FARSB: variants seen among roughly 807,000 people sequenced by gnomAD.
FARSB encodes phenylalanine--tRNA ligase beta subunit.
FARSB carries 40 observed loss-of-function variants against 69.6 expected under a neutral mutation model. The ratio of observed to expected loss-of-function variants is 0.57; its 90% CI spans 0.45 to 0.75. FARSB has a LOEUF of 0.75. Among genes scored for constraint, FARSB ranks in the 30% least tolerant of loss-of-function variants. FARSB has a pLI of 0.00. For synonymous variants in FARSB, 235 were observed against 247.2 expected (o/e 0.95, Z 0.46); for missense variants, 632 against 722.9 (o/e 0.87, Z 1.44).
At chr2:222,600,104 G>C (rs1479988427) in intron 15 of FARSB, 21 bp from the exon 16 acceptor site, 1 of 1,594,046 alleles carries the variant, frequency 6.3e-7, no homozygotes, top group African/African-American at 1.4e-5. Context: ...AAAGGAACTG[G>C]TCACAACGCT....
At chr2:222,584,733 T>C (rs536539693) in intron 16 of FARSB, among the ~76,000 whole-genome samples, 2 of 152,292 alleles carry the variant, frequency 1.3e-5, no homozygotes, top group South Asian at 4.1e-4. Flanking sequence ...CCACGGAGCC[T>C]CGCTCACTGC....
chr2:222,579,194 C>A (rs150211056), intron 16 of FARSB, among the ~76,000 whole-genome samples: 35 of 152,092 alleles, frequency 2.3e-4, no homozygotes, highest in Non-Finnish European at 1.5e-4. Context: ...GAATAAGGGC[C>A]GTGGAATCAG....
chr2:222,634,622 A>C, intron 5 of FARSB, 81 bp from the exon 6 acceptor site: 1 of 1,114,600 alleles, frequency 9.0e-7, no homozygotes, highest in Non-Finnish European at 1.3e-6. Context: ...TCTAAAGCCG[A>C]AATTCTAAAG....
At chr2:222,575,519 A>G (rs570656037) in intron 16 of FARSB, among the ~76,000 whole-genome samples, 5 of 152,308 alleles carry the variant, frequency 3.3e-5, no homozygotes, top group African/African-American at 1.2e-4. Context: ...ACAATTTTCA[A>G]TCTAAGCCCA....
chr2:222,640,797 C>G (rs1248124354), intron 4 of FARSB, 65 bp downstream of exon 4: 9 of 783,994 alleles, frequency 1.1e-5, no homozygotes, highest in Non-Finnish European at 1.9e-5. Flanking sequence ...TCTTTCCTCC[C>G]CACTTTATAC....
At position 222,593,300 on chromosome 2, in the gene FARSB, C is replaced by T. The variant is rs545028679; in HGVS notation, c.1618+6628G>A. ...AACCTTACTCCTCAGTATTTAATTC[C>T]TCTCATTGTGTTTTCTTGGGTATCC... is the stretch of plus-strand genomic sequence containing the variant. On this transcript the variant is annotated intron_variant, in intron 16 of 16. Coordinates refer to ENST00000281828, the MANE Select transcript of FARSB (RefSeq NM_005687.5). Among the ~76,000 whole-genome samples, 18 of 152,168 alleles carry T rather than the reference C, an allele frequency of 1.2e-4. No individual in the cohort carries two copies. The South Asian group carries it at 3.5e-3, about 30-fold the overall frequency.
intron 15 of FARSB, among the ~76,000 whole-genome samples, chr2:222,610,682 G>T (rs1411793834): frequency 6.6e-6 from 1 of 152,156 alleles, no homozygotes; most frequent in Non-Finnish European, 1.5e-5. Context: ...AATTATCTGA[G>T]CTTAGGAATT....
chr2:222,601,176 A>G lies in FARSB; in HGVS notation c.1463-1093T>C, dbSNP rs1690547314. ...ATAAAAGTTTAGCCATGCAAGATGA[A>G]AAGTTCTAGAGACCCACAACAACGT... On this transcript the variant is annotated intron_variant, in intron 15 of 16. Coordinates refer to ENST00000281828, the MANE Select transcript of FARSB (RefSeq NM_005687.5). Among the ~76,000 whole-genome samples, 3 of 152,198 alleles carry G rather than the reference A, an allele frequency of 2.0e-5. No homozygotes were observed. In the South Asian group the frequency reaches 6.2e-4, roughly 31 times the overall value.
intron 15 of FARSB, among the ~76,000 whole-genome samples, chr2:222,607,876 C>T (rs1349989593): frequency 1.3e-5 from 2 of 151,834 alleles, no homozygotes; most frequent in Admixed American, 6.6e-5. Context: ...AAATCTATGA[C>T]CTTCTCAACG....
chr2:222,600,435 G>A (rs914227908), intron 15 of FARSB, among the ~76,000 whole-genome samples: 1 of 151,866 alleles, frequency 6.6e-6, no homozygotes, highest in Admixed American at 6.6e-5. Flanking sequence ...ACTACCCAAA[G>A]GAAATAATCC....
Position 222,568,340 on chromosome 2 carries a change from T to C in FARSB, c.*3531A>G, listed in dbSNP as rs767944484. The C allele has an allele frequency of 4.2e-4, 64 of 152,152 alleles. No individual in the cohort carries two copies. Among genetic ancestry groups the C allele is most frequent in the Admixed American group, 2.0e-3 (31 of 15,270 alleles). The allele number at this position is 152,152 out of a possible 1,614,324, so 9.4% of individuals were successfully genotyped here. On this transcript the variant is annotated 3_prime_UTR_variant, in exon 17 of 17. Coordinates refer to ENST00000281828, the MANE Select transcript of FARSB (RefSeq NM_005687.5). The surrounding 1 kb of genome is among the most constrained non-coding windows in gnomAD (Gnocchi z 4.3). Reference sequence around the variant, plus strand: ...CATTATTTACTTTCGCATAAATAAGTAAATAATGCAAATCAGTGAGTGGTC... The same window carrying C: ...CATTATTTACTTTCGCATAAATAAGCAAATAATGCAAATCAGTGAGTGGTC...
At chr2:222,600,105 T>C in intron 15 of FARSB, 22 bp from the exon 16 acceptor site, 1 of 1,594,236 alleles carries the variant, frequency 6.3e-7, no homozygotes, top group Non-Finnish European at 8.5e-7. Context: ...AAGGAACTGG[T>C]CACAACGCTG....
chr2:222,628,789 T>C (rs1559209574), intron 10 of FARSB, 48 bp downstream of exon 10: 2 of 1,269,286 alleles, frequency 1.6e-6, no homozygotes, highest in Admixed American at 1.8e-5. Flanking sequence ...ATAGCCATTA[T>C]TATTAGCATT....
chr2:222,654,830 T>A (rs2106020996), intron 1 of FARSB, among the ~76,000 whole-genome samples: 1 of 152,266 alleles, frequency 6.6e-6, no homozygotes, highest in Non-Finnish European at 1.5e-5. Context: ...AGGCCTTTGT[T>A]AACACACTGA....
intron 16 of FARSB, among the ~76,000 whole-genome samples, chr2:222,587,899 A>G (rs1690160469): frequency 6.6e-6 from 1 of 152,198 alleles, no homozygotes; most frequent in Admixed American, 6.5e-5. Context: ...CCAGGACCAG[A>G]TGGATTCACA....
intron 6 of FARSB, 105 bp downstream of exon 6, chr2:222,634,286 C>T (rs1207129042): frequency 2.7e-6 from 2 of 749,018 alleles, no homozygotes; most frequent in Non-Finnish European, 4.2e-6. Context: ...CCAGACACTG[C>T]TATTTTTTAA....
intron 16 of FARSB, 42 bp downstream of exon 16, chr2:222,599,884 TCC>T: frequency 6.7e-7 from 1 of 1,484,798 alleles, no homozygotes; most frequent in Non-Finnish European, 9.0e-7. Flanking sequence ...TGTAGCCTCT[TCC>T]TGACACTGTC....
At chr2:222,619,784 A>T in intron 13 of FARSB, 47 bp from the exon 14 acceptor site, 1 of 1,043,114 alleles carries the variant, frequency 9.6e-7, no homozygotes, top group African/African-American at 1.6e-5. Flanking sequence ...GCAATTACTT[A>T]AGTTTAAAAT....
At chr2:222,613,362 T>C (rs1167144225) in intron 15 of FARSB, among the ~76,000 whole-genome samples, 1 of 152,094 alleles carries the variant, frequency 6.6e-6, no homozygotes, top group Non-Finnish European at 1.5e-5. Flanking sequence ...CTGGCCAACA[T>C]GGTGAAACAC....
Sources: allele counts gnomAD v4.1 joint callset (sites outside exome capture counted in the v4.1 genomes callset), GRCh38; gene constraint gnomAD v4.1.1; non-coding constraint Gnocchi (gnomAD v3.1); transcripts MANE v1.5; gene names NCBI Gene and HGNC (gene_info 2026-07-23, HGNC 2026-07-21).